EZH2: variants seen among roughly 807,000 people sequenced by gnomAD.
The protein encoded by EZH2 is histone-lysine N-methyltransferase EZH2.
In EZH2, 18 loss-of-function variants were observed where a neutral mutation model predicts 98.4. The ratio of observed to expected loss-of-function variants is 0.18; its 90% CI spans 0.13 to 0.27. EZH2 has a LOEUF of 0.27. Ranked by LOEUF, EZH2 falls within the 10% of genes least tolerant of loss-of-function variation. EZH2 has a pLI of 1.00. For missense variants in EZH2, 470 were observed against 935.1 expected, an observed-to-expected ratio of 0.50 and a Z score of 6.49; for synonymous variants, 338 against 312.3, an observed-to-expected ratio of 1.08 and a Z score of -0.87.
In EZH2 at chr7:148,846,613, TGAA is replaced by T. The variant is rs775795844; in HGVS notation, c.118-18_118-16del. On this transcript the variant is annotated splice_polypyrimidine_tract_variant and intron_variant, in intron 2 of 19. Transcript: ENST00000320356. ...CTAAACATACTCTTAAAAAAAAAAA[TGAA>T]GGAGAGGAAAGGAGAAATTGTTCAT... The T allele has an allele frequency of 1.5e-4, 234 of 1,557,072 alleles. No homozygotes were observed. The highest frequency in any genetic ancestry group is 2.8e-4 in the African/African-American group (20 of 71,732).
intron 19 of EZH2, among the ~76,000 whole-genome samples, chr7:148,808,692 T>TAAAG (rs1251586725): frequency 6.6e-6 from 1 of 152,130 alleles, no homozygotes; most frequent in African/African-American, 2.4e-5. Context: ...ATATGCATAG[T>TAAAG]ATATTGTCAA....
intron 3 of EZH2, among the ~76,000 whole-genome samples, chr7:148,834,346 T>TAC (rs1459053271): frequency 5.2e-5 from 4 of 77,194 alleles, no homozygotes; most frequent in African/African-American, 3.7e-4. Flanking sequence ...ATTATATATA[T>TAC]ATATATACAC....
intron 9 of EZH2, 67 bp downstream of exon 9, chr7:148,819,529 G>T: frequency 7.8e-7 from 1 of 1,282,698 alleles, no homozygotes. Flanking sequence ...ACGCTGACTT[G>T]ATCACCTCCA....
intron 1 of EZH2, chr7:148,883,433 T>A (rs1314043691): frequency 6.6e-6 from 1 of 152,246 alleles, no homozygotes; most frequent in African/African-American, 2.4e-5. Context: ...CCGCCGGAGC[T>A]CAGGGGGATT....
At chr7:148,829,228 T>C (rs1808609798) in intron 5 of EZH2, among the ~76,000 whole-genome samples, 1 of 152,158 alleles carries the variant, frequency 6.6e-6, no homozygotes, top group Admixed American at 6.5e-5. Context: ...ATAATGACAA[T>C]GGATGATGAT....
chr7:148,860,587 T>C (rs1219633210), intron 1 of EZH2, among the ~76,000 whole-genome samples: 1 of 152,244 alleles, frequency 6.6e-6, no homozygotes, highest in Non-Finnish European at 1.5e-5. Flanking sequence ...TTTGGTCTCA[T>C]GACCTGTTTA....
chr7:148,867,003 T>C (rs1012051555), intron 1 of EZH2, among the ~76,000 whole-genome samples: 20 of 147,394 alleles, frequency 1.4e-4, no homozygotes, highest in South Asian at 2.4e-4. Flanking sequence ...CGTGAGCCAC[T>C]GTGCCTGGCC....
At chr7:148,882,552 T>C (rs1563084825) in intron 1 of EZH2, among the ~76,000 whole-genome samples, 1 of 152,190 alleles carries the variant, frequency 6.6e-6, no homozygotes, top group African/African-American at 2.4e-5. Flanking sequence ...AAATTACAAA[T>C]AAACAAGTTA....
At position 148,842,285 on chromosome 7, in the gene EZH2, A is replaced by G. The variant is rs545630254; in HGVS notation, c.246+4185T>C. Among the ~76,000 whole-genome samples, 391 of 152,330 alleles carry G rather than the reference A, an allele frequency of 2.6e-3. 1 individual carries two copies. The highest frequency in any genetic ancestry group is 2.6e-3 in the Non-Finnish European group (179 of 68,024). Reference sequence around the variant, plus strand: ...AAAACATTTTGATATGAAGTCAGTGAAGGAGAAGTGTCTTGTGATTATCAG... The same window carrying G: ...AAAACATTTTGATATGAAGTCAGTGGAGGAGAAGTGTCTTGTGATTATCAG... On this transcript the variant is annotated intron_variant, in intron 3 of 19. Transcript: ENST00000320356.
At chr7:148,847,481 T>A (rs1233525592) in intron 1 of EZH2, among the ~76,000 whole-genome samples, 176 bp from the exon 2 acceptor site, 4 of 152,238 alleles carry the variant, frequency 2.6e-5, no homozygotes, top group African/African-American at 9.6e-5. Context: ...AACACTTCAT[T>A]GAAAGTTTAA....
chr7:148,826,256 T>C (rs554124725), intron 8 of EZH2, among the ~76,000 whole-genome samples, 198 bp downstream of exon 8: 15 of 149,484 alleles, frequency 1.0e-4, no homozygotes, highest in Admixed American at 2.7e-4. Context: ...TGGAAAATAG[T>C]AGTCCAAATG....
Position 148,832,732 on chromosome 7 carries a change from A to T in EZH2, c.265T>A (p.Leu89Met), listed in dbSNP as rs1180219356. Residue 89 changes from leucine (L) to methionine (M), a missense_variant, in exon 4 of 20, where the codon TTG (leucine) becomes ATG (methionine). By Grantham distance (15) the Leu-to-Met change is conservative. This residue lies in a region of EZH2 where 79 missense variants were observed against 122.1 expected (regional missense o/e 0.65). Coordinates refer to ENST00000320356, the MANE Select transcript of EZH2 (RefSeq NM_004456.5). ...GGGATGACTTGTGTTGGAAAATCCAAGTCACTGGTCACCGAACACTAAAAC... is the reference window on the plus strand; with the variant it reads ...GGGATGACTTGTGTTGGAAAATCCATGTCACTGGTCACCGAACACTAAAAC... The part of the protein sequence containing the change: ...GTRECSVTSD[L>M]DFPTQVIPLK... 6.2e-7 allele frequency: 1 copy of T among 1,608,682 alleles called. No individual in the cohort carries two copies. The highest frequency in any genetic ancestry group is 1.7e-5 in the Admixed American group (1 of 59,486).
chr7:148,864,709 GAAAA>G (rs1241216422), intron 1 of EZH2, among the ~76,000 whole-genome samples: 1 of 145,030 alleles, frequency 6.9e-6, no homozygotes, highest in Admixed American at 6.9e-5. Flanking sequence ...AGGAAAAAAA[GAAAA>G]AAAAAGTTTA....
intron 1 of EZH2, among the ~76,000 whole-genome samples, chr7:148,876,627 A>G (rs1253265011): frequency 6.6e-6 from 1 of 152,222 alleles, no homozygotes; most frequent in Non-Finnish European, 1.5e-5. Context: ...AAACAATGTC[A>G]ATCACAACAG....
chr7:148,880,797 T>G (rs958371306), intron 1 of EZH2, among the ~76,000 whole-genome samples: 9 of 152,044 alleles, frequency 5.9e-5, no homozygotes, highest in African/African-American at 2.2e-4. Flanking sequence ...AAACCCCTAT[T>G]CTCTAGCAAA....
At chr7:148,873,423 CAG>C (rs898703011) in intron 1 of EZH2, among the ~76,000 whole-genome samples, 1 of 141,980 alleles carries the variant, frequency 7.0e-6, no homozygotes, top group Non-Finnish European at 1.5e-5. Context: ...ACCTGGGAGG[CAG>C]AGACTGCAGT....
chr7:148,855,781 C>T (rs1426026509), intron 1 of EZH2, among the ~76,000 whole-genome samples: 1 of 151,458 alleles, frequency 6.6e-6, no homozygotes, highest in East Asian at 1.9e-4. Flanking sequence ...GCCTGTAATC[C>T]CAGCTACTCA....
At chr7:148,856,602 T>C (rs941353167) in intron 1 of EZH2, among the ~76,000 whole-genome samples, 3 of 152,212 alleles carry the variant, frequency 2.0e-5, no homozygotes, top group South Asian at 4.2e-4. Flanking sequence ...CAGAAACAGC[T>C]GATTCTAGGG....
intron 1 of EZH2, among the ~76,000 whole-genome samples, chr7:148,847,960 A>G (rs758945419): frequency 3.3e-5 from 5 of 152,230 alleles, no homozygotes; most frequent in Non-Finnish European, 5.9e-5. Context: ...CTTCTGCCTT[A>G]TCTTTAGTTG....
Sources: gnomAD v4.1 joint callset for allele counts (sites outside exome capture counted in the v4.1 genomes callset) on GRCh38, gnomAD v4.1.1 for gene constraint, gnomAD v4.1.1 regional missense constraint, MANE v1.5 for transcripts, NCBI Gene and HGNC (gene_info 2026-07-23, HGNC 2026-07-21) for gene names.